The following PPP6C variants were observed in gnomAD, a reference collection of about 807,000 sequenced individuals.
The protein encoded by PPP6C is serine/threonine-protein phosphatase 6 catalytic subunit.
PPP6C carries 11 observed loss-of-function variants against 39.8 expected under a neutral mutation model. The observed-to-expected ratio is 0.28, with a 90% CI of 0.17 to 0.46. The LOEUF (loss-of-function observed/expected upper bound fraction) is 0.46, where lower values mean the gene tolerates loss of function less well. Among genes scored for constraint, PPP6C ranks in the 20% least tolerant of loss-of-function variants. The probability of loss-of-function intolerance (pLI) is 1.00; values close to 1 mark genes in which losing one functional copy is unlikely to be tolerated. For missense variants in PPP6C, 211 were observed against 373.9 expected, an observed-to-expected ratio of 0.56 and a Z score of 3.59; for synonymous variants, 129 against 130.3, an observed-to-expected ratio of 0.99 and a Z score of 0.07.
chr9:125,150,436 G>T (rs1372287776), intron 6 of PPP6C, among the ~76,000 whole-genome samples: 1 of 151,914 alleles, frequency 6.6e-6, no homozygotes, highest in Non-Finnish European at 1.5e-5. Flanking sequence ...GTGTGTGTGT[G>T]TGTGTGTGTT....
intron 1 of PPP6C, among the ~76,000 whole-genome samples, chr9:125,188,510 G>C (rs1191613066): frequency 6.6e-6 from 1 of 152,098 alleles, no homozygotes; most frequent in African/African-American, 2.4e-5. Flanking sequence ...ACCTAGGCCG[G>C]CGCGGTGGCT....
chr9:125,155,634 T>G (rs755343264), intron 4 of PPP6C, among the ~76,000 whole-genome samples: 3 of 152,366 alleles, frequency 2.0e-5, no homozygotes, highest in East Asian at 3.9e-4. Context: ...CTGGACGCAG[T>G]GCCTCATGCC....
intron 2 of PPP6C, among the ~76,000 whole-genome samples, chr9:125,164,074 G>C (rs956207023): frequency 6.6e-6 from 1 of 151,838 alleles, no homozygotes; most frequent in African/African-American, 2.4e-5. Context: ...CTGACCTCAG[G>C]TGATCCACCC....
At position 125,176,528 on chromosome 9, in the gene PPP6C, G is replaced by C. The variant is rs180672360; in HGVS notation, c.76-5348C>G. Among the ~76,000 whole-genome samples, 12 of 152,306 alleles carry C rather than the reference G, an allele frequency of 7.9e-5. No individual in the cohort carries two copies. The East Asian group carries it at 2.1e-3, about 27-fold the overall frequency. On this transcript the variant is annotated intron_variant, in intron 1 of 6. Transcript: ENST00000373547. ...AAAAACTAGCTGGGCGTGGTGGCAT[G>C]TGCCTGAAGTCCCAGATACTTGGAA...
At chr9:125,155,202 T>C (rs1836038939) in intron 4 of PPP6C, among the ~76,000 whole-genome samples, 1 of 152,122 alleles carries the variant, frequency 6.6e-6, no homozygotes, top group Admixed American at 6.6e-5. Flanking sequence ...CACTGTACCC[T>C]GACTGTCTAC....
intron 4 of PPP6C, among the ~76,000 whole-genome samples, 162 bp downstream of exon 4, chr9:125,158,079 G>A (rs748615864): frequency 2.8e-4 from 42 of 152,102 alleles, no homozygotes; most frequent in Non-Finnish European, 5.0e-4. Context: ...AGTTAACAGT[G>A]GTCTTCTCTC....
At chr9:125,150,845 T>G in intron 6 of PPP6C, 2 of 781,776 alleles carry the variant, frequency 2.6e-6, no homozygotes, top group Non-Finnish European at 4.6e-6. Context: ...TCAATGACAA[T>G]TTAATGGTGC....
chr9:125,178,737 G>A (rs1283688281), intron 1 of PPP6C, among the ~76,000 whole-genome samples: 1 of 152,068 alleles, frequency 6.6e-6, no homozygotes, highest in Non-Finnish European at 1.5e-5. Flanking sequence ...AGCCACCCAC[G>A]TATCACCAAG....
At chr9:125,174,623 A>G (rs1040144527) in intron 1 of PPP6C, among the ~76,000 whole-genome samples, 9 of 151,934 alleles carry the variant, frequency 5.9e-5, no homozygotes, top group Admixed American at 5.9e-4. Flanking sequence ...AAAATAACAA[A>G]AACAGGCCAG....
At chr9:125,177,995 AGCAC>A (rs1169418394) in intron 1 of PPP6C, among the ~76,000 whole-genome samples, 1 of 152,104 alleles carries the variant, frequency 6.6e-6, no homozygotes, top group Non-Finnish European at 1.5e-5. Context: ...ATTTCTTCTT[AGCAC>A]TGCATAATAT....
At position 125,175,642 on chromosome 9, in the gene PPP6C, CA is replaced by C. The variant is rs1188824495; in HGVS notation, c.76-4463del. On this transcript the variant is annotated intron_variant, in intron 1 of 6. Transcript: ENST00000373547. ...TGGTCGACACAGCGAGACTCCGTCTCAAAAAAAAAAAAAAAAAAAGAAATTA... is the reference window on the plus strand; with the variant it reads ...TGGTCGACACAGCGAGACTCCGTCTCAAAAAAAAAAAAAAAAAAGAAATTA... Among the ~76,000 whole-genome samples, 237 of 55,858 alleles carry C rather than the reference CA, an allele frequency of 4.2e-3. 1 individual carries two copies. The highest frequency in any genetic ancestry group is 0.012 in the Middle Eastern group (1 of 86). The allele number at this position is 55,858 out of a possible 152,430, so 36.6% of individuals were successfully genotyped here. A position where few individuals can be genotyped will look rare whatever the true frequency, so the allele number is the denominator to read the frequency against.
At chr9:125,159,118 A>C (rs1044764780) in intron 3 of PPP6C, among the ~76,000 whole-genome samples, 20 of 147,070 alleles carry the variant, frequency 1.4e-4, no homozygotes, top group African/African-American at 5.1e-4. Flanking sequence ...GGCTCACTGC[A>C]ACCTCCCCTT....
chr9:125,169,085 A>C (rs760766186), intron 2 of PPP6C, among the ~76,000 whole-genome samples: 3 of 152,208 alleles, frequency 2.0e-5, no homozygotes, highest in Non-Finnish European at 4.4e-5. Flanking sequence ...AACACATACA[A>C]CATAAACAAT....
At chr9:125,171,028 A>G in intron 2 of PPP6C, 57 bp downstream of exon 2, 1 of 1,154,904 alleles carries the variant, frequency 8.7e-7, no homozygotes, top group Non-Finnish European at 1.2e-6. Context: ...GCACATGTGA[A>G]AACACACATG....
rs1835857192 is a variant in PPP6C, at chr9:125,148,352, T to C, written c.*1321A>G. On this transcript the variant is annotated 3_prime_UTR_variant, in exon 7 of 7. Coordinates refer to ENST00000373547, the MANE Select transcript of PPP6C (RefSeq NM_002721.5). ...ATTTCACAAAATGTACATTCCAACA[T>C]CATTTATGACTACAGTCATAAGAGA... is the stretch of plus-strand genomic sequence containing the variant. The C allele has an allele frequency of 6.6e-6, 1 of 152,194 alleles. No individual in the cohort carries two copies. Among genetic ancestry groups the C allele is most frequent in the African/African-American group, 2.4e-5 (1 of 41,446 alleles). 9.4% of individuals were successfully genotyped at this position (152,194 alleles called of 1,614,324 possible).
At chr9:125,177,706 T>C (rs532117567) in intron 1 of PPP6C, among the ~76,000 whole-genome samples, 1 of 152,298 alleles carries the variant, frequency 6.6e-6, no homozygotes, top group South Asian at 2.1e-4. Flanking sequence ...ATAGTTTGTT[T>C]AAATTAGGGT....
chr9:125,171,867 T>C (rs1358032979), intron 1 of PPP6C: 6 of 458,710 alleles, frequency 1.3e-5, no homozygotes, highest in Non-Finnish European at 2.2e-5. Context: ...AAAAGATTTT[T>C]ATCTGGTAAT....
intron 2 of PPP6C, among the ~76,000 whole-genome samples, chr9:125,167,446 G>A (rs536871245): frequency 1.4e-5 from 2 of 147,854 alleles, no homozygotes; most frequent in Non-Finnish European, 3.0e-5. Flanking sequence ...TGTAATCCCA[G>A]CACTTTGGGA....
chr9:125,165,248 C>T (rs1828986853), intron 2 of PPP6C, among the ~76,000 whole-genome samples: 1 of 151,910 alleles, frequency 6.6e-6, no homozygotes, highest in South Asian at 2.1e-4. Context: ...AAATTAATAA[C>T]ATAGGCCAGG....
Sources: gnomAD v4.1 joint callset for allele counts (sites outside exome capture counted in the v4.1 genomes callset) on GRCh38, gnomAD v4.1.1 for gene constraint, MANE v1.5 for transcripts, NCBI Gene and HGNC (gene_info 2026-07-23, HGNC 2026-07-21) for gene names.